Variants in ERC2 observed in about 807,000 individuals in gnomAD.
The protein encoded by ERC2 is ERC protein 2.
Under a neutral mutation model 114.8 loss-of-function variants are expected in ERC2, and 42 were observed. The ratio of observed to expected loss-of-function variants is 0.37; its 90% CI spans 0.29 to 0.47. The LOEUF (loss-of-function observed/expected upper bound fraction) is 0.47. Among genes scored for constraint, ERC2 ranks in the 20% least tolerant of loss-of-function variants. ERC2 has a pLI of 0.99. For missense variants in ERC2, 939 were observed against 1,150.7 expected, an observed-to-expected ratio of 0.82 and a Z score of 2.66; for synonymous variants, 454 against 425.5, an observed-to-expected ratio of 1.07 and a Z score of -0.82.
intron 4 of ERC2, among the ~76,000 whole-genome samples, chr3:56,161,039 G>C (rs959170164): frequency 1.3e-5 from 2 of 152,152 alleles, no homozygotes; most frequent in African/African-American, 4.8e-5. Flanking sequence ...TTGGATCATG[G>C]GAATGGATCC....
rs556695832 is a variant in ERC2, at chr3:55,673,576, C to T, written c.*39+10218G>A. On this transcript the variant is annotated intron_variant, in intron 17 of 17. Coordinates refer to ENST00000288221, the MANE Select transcript of ERC2 (RefSeq NM_015576.3). ...CTAGCCCGGTGACAAAGCAAGACTC[C>T]GTCTCAAAAAAATAAAAAATAAAAA... Among the ~76,000 whole-genome samples, 12 of 151,676 alleles carry T rather than the reference C, an allele frequency of 7.9e-5. 1 individual carries two copies. The South Asian group carries it at 2.3e-3, about 29-fold the overall frequency.
At chr3:55,763,839 T>C (rs1229343461) in intron 14 of ERC2, among the ~76,000 whole-genome samples, 1 of 152,210 alleles carries the variant, frequency 6.6e-6, no homozygotes, top group Non-Finnish European at 1.5e-5. Context: ...TGTCAGTCTG[T>C]TTCTAAAAAT....
rs192803677 is a variant in ERC2 at position 56,253,545 on chromosome 3, T to C, written c.1074+42474A>G. ...ATGTTGACAAGCTTTTTTCCCAAAA[T>C]AGTTGTCCCAGTTTACACCAAATTT... On this transcript the variant is annotated intron_variant, in intron 3 of 17. Coordinates refer to ENST00000288221, the MANE Select transcript of ERC2 (RefSeq NM_015576.3). Among the ~76,000 whole-genome samples the C allele has an allele frequency of 2.6e-5, 4 of 152,294 alleles. No homozygotes were observed. The East Asian group carries it at 7.7e-4, about 29-fold the overall frequency.
intron 3 of ERC2, among the ~76,000 whole-genome samples, chr3:56,247,231 G>A (rs1386805328): frequency 6.6e-6 from 1 of 152,094 alleles, no homozygotes; most frequent in Non-Finnish European, 1.5e-5. Context: ...AGCGGGGGGT[G>A]GGGATCCCAA....
In ERC2 at chr3:56,208,996, G is replaced by A. The variant is rs543208858; in HGVS notation, c.1075-35476C>T. On this transcript the variant is annotated intron_variant, in intron 3 of 17. Transcript: ENST00000288221. ...CAGAGTCCATTTCACCTTCCATCTAGTTTCTACAGTATAGACATAGTCAAA... is the reference window on the plus strand; with the variant it reads ...CAGAGTCCATTTCACCTTCCATCTAATTTCTACAGTATAGACATAGTCAAA... 7.9e-5 allele frequency among the ~76,000 whole-genome samples: 12 copies of A among 152,162 alleles called. 1 individual carries two copies. The South Asian group carries it at 1.2e-3, about 16-fold the overall frequency.
chr3:55,724,472 T>A (rs1033027368), intron 15 of ERC2, among the ~76,000 whole-genome samples: 1 of 152,198 alleles, frequency 6.6e-6, no homozygotes, highest in East Asian at 1.9e-4. Context: ...TGAGTCCCAT[T>A]TGGGCTCTGG....
At chr3:56,362,587 G>A (rs528634343) in intron 2 of ERC2, among the ~76,000 whole-genome samples, 2 of 152,216 alleles carry the variant, frequency 1.3e-5, no homozygotes, top group African/African-American at 2.4e-5. Context: ...GTGGTGGATG[G>A]ATGGCCCCTT....
intron 2 of ERC2, among the ~76,000 whole-genome samples, chr3:56,355,115 T>C (rs2058694539): frequency 6.6e-6 from 1 of 152,160 alleles, no homozygotes. Context: ...CCTTTTCTTT[T>C]TTAATCACAA....
chr3:55,806,619 T>C (rs1455914267), intron 14 of ERC2, among the ~76,000 whole-genome samples: 1 of 152,158 alleles, frequency 6.6e-6, no homozygotes, highest in Non-Finnish European at 1.5e-5. Flanking sequence ...GGAGGGGTGC[T>C]ACTGGCATCC....
At chr3:55,523,082 T>C (rs1468146885) in intron 17 of ERC2, among the ~76,000 whole-genome samples, 1 of 152,182 alleles carries the variant, frequency 6.6e-6, no homozygotes, top group African/African-American at 2.4e-5. Flanking sequence ...GGAAATGCCT[T>C]TGGGCAGACC....
At chr3:56,204,181 T>A (rs2048569624) in intron 3 of ERC2, among the ~76,000 whole-genome samples, 1 of 152,132 alleles carries the variant, frequency 6.6e-6, no homozygotes, top group African/African-American at 2.4e-5. Context: ...AGAAAGAGAC[T>A]CTGTCTCAAA....
Position 56,408,779 on chromosome 3 carries a change from C to A in ERC2, c.657+25572G>T, listed in dbSNP as rs117601264. Among the ~76,000 whole-genome samples the A allele has an allele frequency of 2.2e-4, 33 of 152,334 alleles. No homozygotes were observed. In the East Asian group the frequency reaches 6.4e-3, roughly 29 times the overall value. On this transcript the variant is annotated intron_variant, in intron 2 of 17. Coordinates refer to ENST00000288221, the MANE Select transcript of ERC2 (RefSeq NM_015576.3). ...ACAGCGTCAGGAGAGAAGGGCTCCC[C>A]GAGTGGGTGCCATCTGGCTAAAGCC... is the stretch of plus-strand genomic sequence containing the variant.
At chr3:56,043,564 TA>T (rs756488812) in intron 7 of ERC2, among the ~76,000 whole-genome samples, 31 of 151,614 alleles carry the variant, frequency 2.0e-4, no homozygotes, top group Middle Eastern at 3.4e-3. Flanking sequence ...ATAGGACAAG[TA>T]AAAAAAAATC....
intron 15 of ERC2, among the ~76,000 whole-genome samples, chr3:55,708,629 A>G (rs902217581): frequency 6.6e-6 from 1 of 151,894 alleles, no homozygotes; most frequent in Non-Finnish European, 1.5e-5. Context: ...AAAACTCCAG[A>G]CTCTTCTACT....
At chr3:56,023,285 G>A (rs767753742) in intron 7 of ERC2, among the ~76,000 whole-genome samples, 2 of 152,040 alleles carry the variant, frequency 1.3e-5, no homozygotes, top group Non-Finnish European at 2.9e-5. Context: ...ACCCTTCAAT[G>A]GCTCCCATTG....
At position 56,165,260 on chromosome 3, in the gene ERC2, G is replaced by A. The variant is rs569908604; in HGVS notation, c.1149+8186C>T. Reference sequence around the variant, plus strand: ...ATATTATATATGTTCTTTTGTGGCTGGCTTCTTCCAACATTATTTTGGGGA... The same window carrying A: ...ATATTATATATGTTCTTTTGTGGCTAGCTTCTTCCAACATTATTTTGGGGA... On this transcript the variant is annotated intron_variant, in intron 4 of 17. Coordinates refer to ENST00000288221, the MANE Select transcript of ERC2 (RefSeq NM_015576.3). Among the ~76,000 whole-genome samples, 13 of 151,896 alleles carry A rather than the reference G, an allele frequency of 8.6e-5. 1 individual carries two copies. In the South Asian group the frequency reaches 1.7e-3, roughly 19 times the overall value.
intron 14 of ERC2, among the ~76,000 whole-genome samples, chr3:55,750,692 T>C (rs1306304288): frequency 6.6e-6 from 1 of 152,236 alleles, no homozygotes; most frequent in Non-Finnish European, 1.5e-5. Flanking sequence ...TGCTTACTTA[T>C]GCCTGTTCCT....
intron 6 of ERC2, among the ~76,000 whole-genome samples, chr3:56,113,242 T>C (rs915674768): frequency 6.6e-6 from 1 of 152,218 alleles, no homozygotes; most frequent in East Asian, 1.9e-4. Flanking sequence ...AAGGAAAAGA[T>C]GACAACAAAT....
At chr3:55,882,913 G>C (rs370511867) in intron 14 of ERC2, among the ~76,000 whole-genome samples, 2 of 152,144 alleles carry the variant, frequency 1.3e-5, no homozygotes, top group South Asian at 2.1e-4. Flanking sequence ...TAAACAAGAG[G>C]GTCCTTACCT....
Sources: gnomAD v4.1 joint callset for allele counts (sites outside exome capture counted in the v4.1 genomes callset) on GRCh38, gnomAD v4.1.1 for gene constraint, MANE v1.5 for transcripts, NCBI Gene and HGNC (gene_info 2026-07-23, HGNC 2026-07-21) for gene names.